SUGCT: variants seen among roughly 807,000 people sequenced by gnomAD.
The protein encoded by SUGCT is succinyl-CoA:glutarate-CoA transferase.
In SUGCT, 41 loss-of-function variants were observed where a neutral mutation model predicts 55.0. The observed-to-expected ratio is 0.74, with a 90% CI of 0.58 to 0.97. The LOEUF (loss-of-function observed/expected upper bound fraction) is 0.97, where lower values mean the gene tolerates loss of function less well. Ranked by LOEUF, SUGCT falls within the 50% of genes least tolerant of loss-of-function variation. SUGCT has a pLI of 0.00. For synonymous variants in SUGCT, 187 were observed against 200.4 expected, an observed-to-expected ratio of 0.93 and a Z score of 0.56; for missense variants, 568 against 547.8, an observed-to-expected ratio of 1.04 and a Z score of -0.37.
At chr7:40,833,486 T>C (rs1792803955) in intron 13 of SUGCT, among the ~76,000 whole-genome samples, 1 of 152,238 alleles carries the variant, frequency 6.6e-6, no homozygotes, top group Non-Finnish European at 1.5e-5. Flanking sequence ...CACTTATTAG[T>C]TAATTTGCCA....
At chr7:40,236,097 G>A (rs989131842) in intron 6 of SUGCT, among the ~76,000 whole-genome samples, 2 of 151,882 alleles carry the variant, frequency 1.3e-5, no homozygotes, top group Non-Finnish European at 2.9e-5. Flanking sequence ...TTTCTCTGTT[G>A]CCCAGGCTGC....
chr7:40,401,783 A>G (rs1485639832), intron 9 of SUGCT, among the ~76,000 whole-genome samples: 1 of 152,206 alleles, frequency 6.6e-6, no homozygotes, highest in South Asian at 2.1e-4. Flanking sequence ...ATAAATCAAG[A>G]CAAGAAAACA....
chr7:40,504,658 T>C (rs1792488512), intron 12 of SUGCT, among the ~76,000 whole-genome samples: 1 of 152,120 alleles, frequency 6.6e-6, no homozygotes, highest in African/African-American at 2.4e-5. Context: ...GGTCTCGAAC[T>C]CCTGGCCTCA....
chr7:40,307,677 A>G (rs559371635), intron 8 of SUGCT, among the ~76,000 whole-genome samples: 2 of 152,312 alleles, frequency 1.3e-5, no homozygotes, highest in South Asian at 2.1e-4. Context: ...GTTAGCTTTG[A>G]TCAGTCGTAA....
At chr7:40,251,435 G>T (rs1234938120) in intron 7 of SUGCT, among the ~76,000 whole-genome samples, 1 of 152,174 alleles carries the variant, frequency 6.6e-6, no homozygotes, top group Admixed American at 6.5e-5. Flanking sequence ...CTGAGATAAG[G>T]CATAGAAGTG....
chr7:40,287,666 T>C lies in SUGCT; in HGVS notation c.720+13010T>C, dbSNP rs967912130. Among the ~76,000 whole-genome samples the C allele has an allele frequency of 4.6e-5, 7 of 152,012 alleles. No homozygotes were observed. In the South Asian group the frequency reaches 1.5e-3, roughly 32 times the overall value. ...CATATGCCATCATGCTCAGCTAAAT[T>C]TTTTTGAATTTTAATAGAGATGGGG... On this transcript the variant is annotated intron_variant, in intron 8 of 13. Coordinates refer to ENST00000335693, the MANE Select transcript of SUGCT (RefSeq NM_001193313.2).
At chr7:40,419,410 G>C (rs1157234118) in intron 9 of SUGCT, among the ~76,000 whole-genome samples, 1 of 152,054 alleles carries the variant, frequency 6.6e-6, no homozygotes, top group African/African-American at 2.4e-5. Flanking sequence ...TTACTGAAAA[G>C]GGAAAAAATA....
chr7:40,367,730 T>C (rs944570062), intron 9 of SUGCT, among the ~76,000 whole-genome samples: 9 of 152,204 alleles, frequency 5.9e-5, no homozygotes, highest in Non-Finnish European at 1.3e-4. Context: ...TTTCCACCTC[T>C]GCTGCCCGAC....
chr7:40,350,152 C>A (rs1797538329), intron 9 of SUGCT, among the ~76,000 whole-genome samples: 4 of 151,758 alleles, frequency 2.6e-5, no homozygotes, highest in South Asian at 4.1e-4. Context: ...AAAATAATTT[C>A]ATATAATTGA....
At chr7:40,395,759 C>T (rs1256890704) in intron 9 of SUGCT, among the ~76,000 whole-genome samples, 2 of 152,152 alleles carry the variant, frequency 1.3e-5, no homozygotes, top group East Asian at 3.9e-4. Context: ...AGGCTGTCAT[C>T]CAGGTGTTCT....
At chr7:40,286,011 T>C (rs1376258259) in intron 8 of SUGCT, among the ~76,000 whole-genome samples, 2 of 152,240 alleles carry the variant, frequency 1.3e-5, no homozygotes, top group Non-Finnish European at 2.9e-5. Flanking sequence ...AGGGTATTAT[T>C]CTGATCTAAT....
intron 12 of SUGCT, among the ~76,000 whole-genome samples, chr7:40,630,727 G>T (rs1269860814): frequency 6.6e-6 from 1 of 152,064 alleles, no homozygotes; most frequent in African/African-American, 2.4e-5. Flanking sequence ...CCCCAAAAGG[G>T]CTCTCAGTCT....
chr7:40,675,339 G>A (rs979908864), intron 12 of SUGCT, among the ~76,000 whole-genome samples: 5 of 152,174 alleles, frequency 3.3e-5, no homozygotes, highest in Admixed American at 6.5e-5. Flanking sequence ...GGTTACAGGC[G>A]TGAGTCACCA....
chr7:40,834,729 C>T (rs1792872110), intron 13 of SUGCT, among the ~76,000 whole-genome samples: 1 of 152,128 alleles, frequency 6.6e-6, no homozygotes, highest in Admixed American at 6.5e-5. Flanking sequence ...TGATGAAAGA[C>T]TTATAGCTAT....
At chr7:40,299,658 A>AC (rs1794406500) in intron 8 of SUGCT, among the ~76,000 whole-genome samples, 1 of 151,982 alleles carries the variant, frequency 6.6e-6, no homozygotes, top group Non-Finnish European at 1.5e-5. Flanking sequence ...CAAAAAAAAA[A>AC]ATTAATGAAC....
At chr7:40,235,422 G>T (rs909054923) in intron 6 of SUGCT, among the ~76,000 whole-genome samples, 2 of 152,136 alleles carry the variant, frequency 1.3e-5, no homozygotes, top group Non-Finnish European at 2.9e-5. Flanking sequence ...CCACCTCCTG[G>T]GTTCAAGCGA....
chr7:40,537,175 C>T (rs763492578), intron 12 of SUGCT, among the ~76,000 whole-genome samples: 1 of 152,102 alleles, frequency 6.6e-6, no homozygotes, highest in Non-Finnish European at 1.5e-5. Context: ...TGTACTCCAG[C>T]AGTTTCATAT....
the SUGCT span, chr7:40,965,098 G>T: frequency 6.6e-6 from 1 of 152,218 alleles, no homozygotes; most frequent in Non-Finnish European, 1.5e-5. Context: ...CTCTAGCCTT[G>T]CTTGTAGGAC....
intron 12 of SUGCT, among the ~76,000 whole-genome samples, chr7:40,738,048 A>G (rs1787267573): frequency 6.8e-6 from 1 of 148,142 alleles, no homozygotes; most frequent in South Asian, 2.2e-4. Context: ...AAAAATACAA[A>G]AAGCTGGGTG....
Sources: allele counts gnomAD v4.1 joint callset (sites outside exome capture counted in the v4.1 genomes callset), GRCh38; gene constraint gnomAD v4.1.1; transcripts MANE v1.5; gene names NCBI Gene and HGNC (gene_info 2026-07-23, HGNC 2026-07-21).